The following RCAN3 variants were observed in gnomAD, a reference collection of about 807,000 sequenced individuals.
The protein encoded by RCAN3 is calcipressin-3.
In RCAN3, 19 loss-of-function variants were observed where a neutral mutation model predicts 21.9. That is an observed-to-expected ratio of 0.87 (90% CI 0.61 to 1.27). The LOEUF (loss-of-function observed/expected upper bound fraction) is 1.27. Ranked by LOEUF, RCAN3 falls within the 50% of genes most tolerant of loss-of-function variation. RCAN3 has a pLI of 0.00. For synonymous variants in RCAN3, 114 were observed against 112.3 expected, an observed-to-expected ratio of 1.01 and a Z score of -0.09; for missense variants, 240 against 300.1, an observed-to-expected ratio of 0.80 and a Z score of 1.48.
chr1:24,517,291 A>G (rs1648417413), intron 2 of RCAN3, among the ~76,000 whole-genome samples: 1 of 151,712 alleles, frequency 6.6e-6, no homozygotes, highest in East Asian at 1.9e-4. Flanking sequence ...ATTTTTTTGT[A>G]TTTTTAGTAG....
chr1:24,511,502 G>C (rs1647885495), intron 1 of RCAN3, among the ~76,000 whole-genome samples: 2 of 151,862 alleles, frequency 1.3e-5, no homozygotes, highest in African/African-American at 4.9e-5. Flanking sequence ...AACACGTATT[G>C]ATTAGGCACA....
At position 24,538,566 on chromosome 1, in the gene RCAN3, G is replaced by C. The variant is rs1161697913; in HGVS notation, c.*3289G>C. On this transcript the variant is annotated 3_prime_UTR_variant, in exon 5 of 5. Coordinates refer to ENST00000374395, the MANE Select transcript of RCAN3 (RefSeq NM_013441.4). ...ACTACAGGCGCCCGCTCCCACGCCCGGCTAATTTTTTTTTTTTTTTTTTTT... is the reference window on the plus strand; with the variant it reads ...ACTACAGGCGCCCGCTCCCACGCCCCGCTAATTTTTTTTTTTTTTTTTTTT... 1 of 130,648 alleles carries C rather than the reference G, an allele frequency of 7.7e-6. No individual in the cohort carries two copies. The highest frequency in any genetic ancestry group is 1.5e-5 in the Non-Finnish European group (1 of 65,146). 8.1% of individuals were successfully genotyped at this position (130,648 alleles called of 1,614,324 possible).
At chr1:24,526,527 T>C (rs1432683664) in intron 2 of RCAN3, among the ~76,000 whole-genome samples, 1 of 152,174 alleles carries the variant, frequency 6.6e-6, no homozygotes, top group Non-Finnish European at 1.5e-5. Flanking sequence ...AAGAAGGATA[T>C]GATTATCAAG....
Position 24,538,637 on chromosome 1 carries a change from TCTC to T in RCAN3, c.*3363_*3365del, listed in dbSNP as rs1650361443. On this transcript the variant is annotated 3_prime_UTR_variant, in exon 5 of 5. Transcript: ENST00000374395. Reference sequence around the variant, plus strand: ...ACCACGTTAGCCAGGATGGTCTCGATCTCCTGACCTAGTGATCCGCCTGCCTTG... The same window carrying T: ...ACCACGTTAGCCAGGATGGTCTCGATCTGACCTAGTGATCCGCCTGCCTTG... 1 of 150,158 alleles carries T rather than the reference TCTC, an allele frequency of 6.7e-6. No homozygotes were observed. The highest frequency in any genetic ancestry group is 1.5e-5 in the Non-Finnish European group (1 of 67,780). 9.3% of individuals were successfully genotyped at this position (150,158 alleles called of 1,614,324 possible).
Position 24,540,886 on chromosome 1 carries a change from A to G in RCAN3, c.*5609A>G, listed in dbSNP as rs140306256. 45 of 152,328 alleles carry G rather than the reference A, an allele frequency of 3.0e-4. No homozygotes were observed. The highest frequency in any genetic ancestry group is 9.6e-4 in the African/African-American group (40 of 41,582). The allele number at this position is 152,328 out of a possible 1,614,324, so 9.4% of individuals were successfully genotyped here. A position where few individuals can be genotyped will look rare whatever the true frequency, so the allele number is the denominator to read the frequency against. ...GTTTGTAGTAGTTTGTTATTTGTCA[A>G]CTTTACCCTGTGTTTTAAGGACATC... On this transcript the variant is annotated 3_prime_UTR_variant, in exon 5 of 5. Transcript: ENST00000374395.
At position 24,537,149 on chromosome 1, in the gene RCAN3, AC is replaced by A. The variant is rs1487584552; in HGVS notation, c.*1875del. On this transcript the variant is annotated 3_prime_UTR_variant, in exon 5 of 5. Transcript: ENST00000374395. ...CACTGTAATTTTCTAAGTGATCAAAACCCATGAGATTTTGTTATTTGGCTTG... is the reference window on the plus strand; with the variant it reads ...CACTGTAATTTTCTAAGTGATCAAAACCATGAGATTTTGTTATTTGGCTTG... The A allele has an allele frequency of 3.3e-5, 5 of 152,170 alleles. No homozygotes were observed. Among genetic ancestry groups the A allele is most frequent in the African/African-American group, 1.2e-4 (5 of 41,440 alleles). The allele number at this position is 152,170 out of a possible 1,614,324, so 9.4% of individuals were successfully genotyped here.
At chr1:24,520,063 A>G (rs1053894241) in intron 2 of RCAN3, among the ~76,000 whole-genome samples, 1 of 152,264 alleles carries the variant, frequency 6.6e-6, no homozygotes, top group African/African-American at 2.4e-5. Context: ...TTGTTTGTAC[A>G]TTCTAGCATA....
At chr1:24,518,161 TA>T (rs939638116) in intron 2 of RCAN3, among the ~76,000 whole-genome samples, 3 of 151,766 alleles carry the variant, frequency 2.0e-5, no homozygotes, top group Non-Finnish European at 2.9e-5. Context: ...CCCATCTCTA[TA>T]AAAAAATTTT....
intron 1 of RCAN3, among the ~76,000 whole-genome samples, chr1:24,510,530 T>C (rs551423974): frequency 1.3e-5 from 2 of 152,346 alleles, no homozygotes; most frequent in Admixed American, 1.3e-4. Flanking sequence ...CTTTTCTTCT[T>C]CAGCTTCCTC....
chr1:24,521,720 C>T (rs570954809), intron 2 of RCAN3, among the ~76,000 whole-genome samples: 5 of 152,128 alleles, frequency 3.3e-5, no homozygotes, highest in Admixed American at 1.3e-4. Flanking sequence ...TGGTGGTATA[C>T]GCCTGTAGTC....
At chr1:24,510,316 A>T (rs939869309) in intron 1 of RCAN3, among the ~76,000 whole-genome samples, 7 of 152,238 alleles carry the variant, frequency 4.6e-5, no homozygotes, top group Admixed American at 4.6e-4. Context: ...AAAGTCCTAG[A>T]TGCATCTTCT....
intron 2 of RCAN3, among the ~76,000 whole-genome samples, chr1:24,519,869 G>C (rs1648653646): frequency 6.6e-6 from 1 of 152,280 alleles, no homozygotes; most frequent in Admixed American, 6.5e-5. Context: ...CTGAAATTAT[G>C]CTCCCAGATA....
chr1:24,526,864 A>G (rs145103261), intron 2 of RCAN3, among the ~76,000 whole-genome samples: 26 of 152,308 alleles, frequency 1.7e-4, no homozygotes, highest in Non-Finnish European at 2.6e-4. Flanking sequence ...TTCTCTTTAA[A>G]AGCGACAAAG....
intron 1 of RCAN3, among the ~76,000 whole-genome samples, chr1:24,506,647 A>C (rs1207892069): frequency 1.3e-5 from 2 of 150,756 alleles, no homozygotes. Context: ...AGCATACCCG[A>C]GTTCCTTGTG....
rs1172377906 is a variant in RCAN3 at position 24,525,305 on chromosome 1, G to A, written c.196-5913G>A. The stretch of plus-strand genomic sequence containing the variant: ...TATGTGTTGTTCTTAGCTATTTTAG[G>A]TACAAGGTATGTACTGTCATTTTGA... On this transcript the variant is annotated intron_variant, in intron 2 of 4. Transcript: ENST00000374395. This position sits in a 1 kb window ranked among gnomAD's most constrained non-coding sequence, Gnocchi z 4.1. Among the ~76,000 whole-genome samples, 2 of 152,118 alleles carry A rather than the reference G, an allele frequency of 1.3e-5. No homozygotes were observed. The highest frequency in any genetic ancestry group is 2.9e-5 in the Non-Finnish European group (2 of 68,030).
chr1:24,505,416 T>G (rs1478909661), intron 1 of RCAN3, among the ~76,000 whole-genome samples: 2 of 150,772 alleles, frequency 1.3e-5, no homozygotes, highest in Non-Finnish European at 1.5e-5. Flanking sequence ...AGAGACGGGG[T>G]TTTTCCATGT....
rs962487504 is a variant in RCAN3, at chr1:24,539,578, T to C, written c.*4301T>C. The C allele has an allele frequency of 1.3e-5, 2 of 152,246 alleles. No homozygotes were observed. The highest frequency in any genetic ancestry group is 4.8e-5 in the African/African-American group (2 of 41,472). 9.4% of individuals were successfully genotyped at this position (152,246 alleles called of 1,614,324 possible). On this transcript the variant is annotated 3_prime_UTR_variant, in exon 5 of 5. Coordinates refer to ENST00000374395, the MANE Select transcript of RCAN3 (RefSeq NM_013441.4). Reference sequence around the variant, plus strand: ...AAGAGTTTGCAGTGGAATGATACTCTCACTCCGTGCTTGTAAAATTGAGTT... The same window carrying C: ...AAGAGTTTGCAGTGGAATGATACTCCCACTCCGTGCTTGTAAAATTGAGTT...
In RCAN3 at chr1:24,502,985, G is replaced by C. The variant is rs1400442949; in HGVS notation, c.-225G>C. ...GCAGGCGGCTCCCGGCTCTGCCTTC[G>C]GCCCCGCCCGCCGCCCACCAGGCTC... On this transcript the variant is annotated 5_prime_UTR_variant, in exon 1 of 5. Transcript: ENST00000374395. 1 of 149,526 alleles carries C rather than the reference G, an allele frequency of 6.7e-6. No homozygotes were observed. Among genetic ancestry groups the C allele is most frequent in the Non-Finnish European group, 1.5e-5 (1 of 67,064 alleles). The allele number at this position is 149,526 out of a possible 1,614,324, so 9.3% of individuals were successfully genotyped here.
intron 2 of RCAN3, among the ~76,000 whole-genome samples, chr1:24,522,379 G>A (rs1170289348): frequency 1.3e-5 from 2 of 152,154 alleles, no homozygotes; most frequent in African/African-American, 4.8e-5. Context: ...ATTGATGCAT[G>A]CACAGACTTG....
Sources: allele counts gnomAD v4.1 joint callset (sites outside exome capture counted in the v4.1 genomes callset), GRCh38; gene constraint gnomAD v4.1.1; non-coding constraint Gnocchi (gnomAD v3.1); transcripts MANE v1.5; gene names NCBI Gene and HGNC (gene_info 2026-07-23, HGNC 2026-07-21).